KLHL29: variants seen among roughly 807,000 people sequenced by gnomAD.
KLHL29 encodes kelch like family member 29.
KLHL29 carries 21 observed loss-of-function variants against 80.4 expected under a neutral mutation model. That is an observed-to-expected ratio of 0.26 (90% confidence interval 0.19 to 0.38). The LOEUF is 0.38. KLHL29 is among the 10% of genes least tolerant of loss of function. The pLI, the probability that KLHL29 is intolerant of heterozygous loss-of-function variation, is 1.00. For missense variants in KLHL29, 867 were observed against 1,223.9 expected, an observed-to-expected ratio of 0.71 and a Z score of 4.35; for synonymous variants, 511 against 526.8, an observed-to-expected ratio of 0.97 and a Z score of 0.41.
At chr2:23,548,372 C>A (rs1667035669) in intron 2 of KLHL29, among the ~76,000 whole-genome samples, 1 of 151,536 alleles carries the variant, frequency 6.6e-6, no homozygotes, top group African/African-American at 2.4e-5. Context: ...CAGGCACACA[C>A]AGACACACAG....
At chr2:23,604,664 A>G (rs1668659811) in intron 3 of KLHL29, among the ~76,000 whole-genome samples, 1 of 152,156 alleles carries the variant, frequency 6.6e-6, no homozygotes, top group Non-Finnish European at 1.5e-5. Context: ...AAATGGAGAG[A>G]GAGCAAGTCA....
intron 2 of KLHL29, among the ~76,000 whole-genome samples, chr2:23,501,046 T>A (rs1665422102): frequency 6.6e-6 from 1 of 152,138 alleles, no homozygotes; most frequent in Non-Finnish European, 1.5e-5. Flanking sequence ...GCAGCTTGAT[T>A]AGCTGAAATT....
intron 2 of KLHL29, among the ~76,000 whole-genome samples, chr2:23,495,747 C>T (rs752004506): frequency 5.9e-5 from 9 of 152,206 alleles, no homozygotes; most frequent in East Asian, 3.8e-4. Flanking sequence ...GAACAGGCTC[C>T]GGCTCATGGC....
At chr2:23,654,329 A>G (rs1230479099) in intron 5 of KLHL29, among the ~76,000 whole-genome samples, 8 of 152,122 alleles carry the variant, frequency 5.3e-5, no homozygotes, top group African/African-American at 1.4e-4. Flanking sequence ...TCAAACCCCA[A>G]ATAGAACCTG....
At chr2:23,409,276 G>T (rs1225850177) in intron 1 of KLHL29, among the ~76,000 whole-genome samples, 2 of 152,188 alleles carry the variant, frequency 1.3e-5, no homozygotes, top group Non-Finnish European at 2.9e-5. Flanking sequence ...ACTCTCCGCA[G>T]CTGTACTGAG....
At chr2:23,485,131 C>T (rs774315225) in intron 2 of KLHL29, among the ~76,000 whole-genome samples, 3 of 152,160 alleles carry the variant, frequency 2.0e-5, no homozygotes, top group Non-Finnish European at 4.4e-5. Flanking sequence ...GCCAAACACC[C>T]TACACAGGCT....
At chr2:23,487,017 G>A (rs1664948432) in intron 2 of KLHL29, among the ~76,000 whole-genome samples, 1 of 152,190 alleles carries the variant, frequency 6.6e-6, no homozygotes, top group East Asian at 1.9e-4. Flanking sequence ...AGTAAACTGA[G>A]GTTTAGAGAC....
intron 1 of KLHL29, among the ~76,000 whole-genome samples, chr2:23,455,004 G>GA (rs375025244): frequency 7.2e-5 from 10 of 137,978 alleles, no homozygotes; most frequent in Admixed American, 7.0e-4. Flanking sequence ...AGTGGGTTGG[G>GA]GGGGGGGCAT....
Position 23,447,691 on chromosome 2 carries a change from C to T in KLHL29, c.-153-27869C>T, listed in dbSNP as rs1012286961. Among the ~76,000 whole-genome samples, 8 of 152,156 alleles carry T rather than the reference C, an allele frequency of 5.3e-5. 1 individual carries two copies. Among genetic ancestry groups the T allele is most frequent in the Non-Finnish European group, 7.3e-5 (5 of 68,038 alleles). On this transcript the variant is annotated intron_variant, in intron 1 of 13. Transcript: ENST00000486442. ...TTTCTTATCCGAAGGGCCCATATCC[C>T]TTAGCCAAAATTCTGAAATAGAAAA...
At chr2:23,692,155 C>T (rs1671651601) in intron 7 of KLHL29, among the ~76,000 whole-genome samples, 1 of 152,262 alleles carries the variant, frequency 6.6e-6, no homozygotes, top group Non-Finnish European at 1.5e-5. Flanking sequence ...CAAATGGCAC[C>T]ATGAGGGCTG....
At chr2:23,450,170 A>G (rs1380523145) in intron 1 of KLHL29, among the ~76,000 whole-genome samples, 1 of 152,082 alleles carries the variant, frequency 6.6e-6, no homozygotes, top group Non-Finnish European at 1.5e-5. Context: ...CAAGTTCATC[A>G]TGACGGCAGC....
At chr2:23,563,221 G>T (rs557761419) in intron 3 of KLHL29, among the ~76,000 whole-genome samples, 1 of 152,368 alleles carries the variant, frequency 6.6e-6, no homozygotes, top group South Asian at 2.1e-4. Flanking sequence ...ATGGAATGTG[G>T]AAAACAGTGT....
chr2:23,459,140 A>C (rs1664141725), intron 1 of KLHL29, among the ~76,000 whole-genome samples: 1 of 152,210 alleles, frequency 6.6e-6, no homozygotes, highest in Admixed American at 6.5e-5. Context: ...GTTGTGCCTG[A>C]TTAGATGGTT....
chr2:23,580,331 C>T (rs1477987770), intron 3 of KLHL29, among the ~76,000 whole-genome samples: 13 of 150,304 alleles, frequency 8.6e-5, no homozygotes, highest in Non-Finnish European at 3.0e-5. Context: ...GAGATCACGC[C>T]ACTGCACTCC....
chr2:23,639,015 A>G, intron 3 of KLHL29, 124 bp from the exon 4 acceptor site: 1 of 898,886 alleles, frequency 1.1e-6, no homozygotes, highest in Non-Finnish European at 1.6e-6. Context: ...CTGACCCTGT[A>G]CTCAGTGGGC....
At chr2:23,620,100 G>A (rs992660381) in intron 3 of KLHL29, among the ~76,000 whole-genome samples, 1 of 152,162 alleles carries the variant, frequency 6.6e-6, no homozygotes. Flanking sequence ...AAGATGGAGC[G>A]AGCCTCGGTG....
chr2:23,418,887 T>C (rs1662691322), intron 1 of KLHL29, among the ~76,000 whole-genome samples: 1 of 152,150 alleles, frequency 6.6e-6, no homozygotes, highest in South Asian at 2.1e-4. Flanking sequence ...CCCTGCCCCT[T>C]AGTGCCCATG....
chr2:23,447,308 A>G (rs1663725795), intron 1 of KLHL29, among the ~76,000 whole-genome samples: 1 of 152,156 alleles, frequency 6.6e-6, no homozygotes, highest in African/African-American at 2.4e-5. Context: ...TCCCTGGTCC[A>G]GTGCCCATTG....
chr2:23,482,722 C>A (rs922958626), intron 2 of KLHL29, among the ~76,000 whole-genome samples: 4 of 152,188 alleles, frequency 2.6e-5, no homozygotes, highest in Non-Finnish European at 5.9e-5. Flanking sequence ...CCAACTCCAC[C>A]CCTGTCTCTC....
Sources: allele counts gnomAD v4.1 joint callset (sites outside exome capture counted in the v4.1 genomes callset), GRCh38; gene constraint gnomAD v4.1.1; transcripts MANE v1.5; gene names NCBI Gene and HGNC (gene_info 2026-07-23, HGNC 2026-07-21).